Variants in GLI2 observed in about 807,000 individuals in gnomAD.
The protein encoded by GLI2 is GLI family zinc finger 2.
A neutral mutation model predicts 78.9 loss-of-function variants in GLI2; 22 were observed. That is an observed-to-expected ratio of 0.28 (90% CI 0.20 to 0.40). The LOEUF (loss-of-function observed/expected upper bound fraction) is 0.40. Among genes scored for constraint, GLI2 ranks in the 10% least tolerant of loss-of-function variants. The probability of loss-of-function intolerance (pLI) is 1.00; values close to 1 mark genes in which losing one functional copy is unlikely to be tolerated. For missense variants in GLI2, 2,097 were observed against 2,213.2 expected (o/e 0.95, Z 1.05); for synonymous variants, 974 against 963.7 (o/e 1.01, Z -0.20).
At chr2:120,835,834 T>A (rs1352847276) in intron 2 of GLI2, among the ~76,000 whole-genome samples, 1 of 152,066 alleles carries the variant, frequency 6.6e-6, no homozygotes, top group Admixed American at 6.6e-5. Context: ...ACATATATAT[T>A]TAAATATTTA....
At chr2:120,785,532 C>G (rs1229079908) in intron 1 of GLI2, among the ~76,000 whole-genome samples, 1 of 152,084 alleles carries the variant, frequency 6.6e-6, no homozygotes, top group African/African-American at 2.4e-5. Context: ...CCAGGAGATG[C>G]CAGGGCCACA....
intron 2 of GLI2, among the ~76,000 whole-genome samples, chr2:120,842,626 G>A (rs13387130): frequency 0.053 from 8,047 of 152,310 alleles, 250 homozygotes; most frequent in East Asian, 0.092. Flanking sequence ...GCATGCCGAT[G>A]TGAGAACCGA....
intron 2 of GLI2, among the ~76,000 whole-genome samples, chr2:120,861,174 A>G (rs1364945111): frequency 1.3e-5 from 2 of 152,196 alleles, no homozygotes; most frequent in African/African-American, 2.4e-5. Flanking sequence ...GAGTTTCCTG[A>G]TGTCTCTGAG....
rs149983926 is a variant in GLI2 at position 120,850,270 on chromosome 2, C to T, written c.148+52802C>T. Among the ~76,000 whole-genome samples, 357 of 151,534 alleles carry T rather than the reference C, an allele frequency of 2.4e-3. 3 individuals are homozygous for T. Among genetic ancestry groups the T allele is most frequent in the African/African-American group, 8.1e-3 (334 of 41,196 alleles). ...TTTCAAATAACCAAGAATAAAGTAACGCTTCTGAAAACTTCTAGAGAAGGG... is the reference window on the plus strand; with the variant it reads ...TTTCAAATAACCAAGAATAAAGTAATGCTTCTGAAAACTTCTAGAGAAGGG... On this transcript the variant is annotated intron_variant, in intron 2 of 13. Transcript: ENST00000361492.
intron 1 of GLI2, among the ~76,000 whole-genome samples, chr2:120,781,159 C>T (rs913058917): frequency 6.6e-6 from 1 of 152,224 alleles, no homozygotes; most frequent in Admixed American, 6.5e-5. Flanking sequence ...AGGAGCCATG[C>T]CCCTGGCCTG....
chr2:120,746,409 C>T (rs754981621), intron 1 of GLI2, among the ~76,000 whole-genome samples: 1 of 152,210 alleles, frequency 6.6e-6, no homozygotes, highest in Non-Finnish European at 1.5e-5. Context: ...GCCCAGCCAC[C>T]TGCCCAGCCA....
intron 1 of GLI2, among the ~76,000 whole-genome samples, chr2:120,768,277 C>A (rs1187555627): frequency 6.6e-6 from 1 of 152,100 alleles, no homozygotes; most frequent in East Asian, 1.9e-4. Flanking sequence ...GCGGACTTAT[C>A]CCCGTCTCAG....
rs753561308 is a variant in GLI2 at position 120,990,074 on chromosome 2, G to A, written c.4109G>A (p.Arg1370His). 2.7e-5 allele frequency: 43 copies of A among 1,599,426 alleles called. No individual in the cohort carries two copies. The highest frequency in any genetic ancestry group is 4.5e-5 in the East Asian group (2 of 44,614). The change falls in exon 14 of 14, where the codon CGT becomes CAT. Residue 1370 changes from arginine to histidine, a missense_variant. Physicochemically the swap from Arg to His is conservative, Grantham distance 29 (BLOSUM62 0). Around this residue, in one of 5 missense-constraint regions of GLI2, gnomAD observed 1,290 missense variants for 1,261.7 expected, o/e 1.02. Transcript: ENST00000361492. ...CCCACTGGCCGCCACCGTGGGGTAC[G>A]TGCTGTGCAGCAGCAGCTGGCCTAC... ...PSPTGRHRGV[R>H]AVQQQLAYAR...
intron 4 of GLI2, 115 bp downstream of exon 4, chr2:120,951,560 C>CA: frequency 1.5e-6 from 1 of 677,240 alleles, no homozygotes; most frequent in Non-Finnish European, 2.5e-6. Context: ...GAATGGTGAC[C>CA]AGGCTGGCTG....
At chr2:120,766,454 G>T (rs1374912402) in intron 1 of GLI2, among the ~76,000 whole-genome samples, 1 of 152,222 alleles carries the variant, frequency 6.6e-6, no homozygotes, top group Non-Finnish European at 1.5e-5. Context: ...GGAAGCCCTT[G>T]AGTAGAAGAG....
At chr2:120,868,176 A>G (rs1290368623) in intron 2 of GLI2, among the ~76,000 whole-genome samples, 3 of 152,224 alleles carry the variant, frequency 2.0e-5, no homozygotes, top group South Asian at 2.1e-4. Flanking sequence ...TTGAGCTGCA[A>G]GGAGGACTCC....
chr2:120,863,916 C>T (rs1453254630), intron 2 of GLI2, among the ~76,000 whole-genome samples: 4 of 152,080 alleles, frequency 2.6e-5, no homozygotes, highest in Admixed American at 2.0e-4. Flanking sequence ...GAGAGGGTGG[C>T]GTCTGCTGTG....
chr2:120,753,858 GT>G (rs1682957028), intron 1 of GLI2, among the ~76,000 whole-genome samples: 1 of 150,740 alleles, frequency 6.6e-6, no homozygotes, highest in Non-Finnish European at 1.5e-5. Context: ...GGCTCACGCG[GT>G]GAGCCGAGAT....
At chr2:120,944,473 T>A (rs987581008) in intron 3 of GLI2, among the ~76,000 whole-genome samples, 8 of 152,364 alleles carry the variant, frequency 5.3e-5, no homozygotes, top group African/African-American at 1.9e-4. Flanking sequence ...GACCTAGATC[T>A]GTGACTTCAG....
At chr2:120,804,179 C>T (rs1684832692) in intron 2 of GLI2, among the ~76,000 whole-genome samples, 1 of 152,168 alleles carries the variant, frequency 6.6e-6, no homozygotes, top group Admixed American at 6.5e-5. Flanking sequence ...ATTGTGTTGG[C>T]CAGAGCTAGA....
chr2:120,777,102 G>C (rs1358949285), intron 1 of GLI2, among the ~76,000 whole-genome samples: 1 of 152,210 alleles, frequency 6.6e-6, no homozygotes, highest in Admixed American at 6.5e-5. Flanking sequence ...CTGATTGCGT[G>C]AGTGTGTGTA....
At chr2:120,827,624 T>G (rs1288053589) in intron 2 of GLI2, among the ~76,000 whole-genome samples, 3 of 152,084 alleles carry the variant, frequency 2.0e-5, no homozygotes, top group Non-Finnish European at 4.4e-5. Context: ...AGCCAAAAAG[T>G]GGAAGCTACC....
At chr2:120,960,436 G>A (rs1160966888) in intron 5 of GLI2, among the ~76,000 whole-genome samples, 5 of 152,196 alleles carry the variant, frequency 3.3e-5, no homozygotes, top group Non-Finnish European at 2.9e-5. Flanking sequence ...GCAGGGCCTT[G>A]TCCCCAGTAC....
chr2:120,984,654 G>T lies in GLI2; in HGVS notation c.1816G>T (p.Gly606Cys). 6.2e-7 allele frequency: 1 copy of T among 1,614,036 alleles called. No individual in the cohort carries two copies. Among genetic ancestry groups the T allele is most frequent in the East Asian group, 2.2e-5 (1 of 44,882 alleles). The change falls in exon 12 of 14, where the codon GGC becomes TGC. Residue 606 changes from glycine (G) to cysteine (C), a missense_variant. Transcript: ENST00000361492. Reference protein sequence around the residue: ...NGDSEAGTEPGGPESTEASST... With the variant: ...NGDSEAGTEPCGPESTEASST... ...GGACAGTGAGGCCGGCACGGAGCCTGGCGGCCCAGAGAGCACCGAGGCCAG... is the reference window on the plus strand; with the variant it reads ...GGACAGTGAGGCCGGCACGGAGCCTTGCGGCCCAGAGAGCACCGAGGCCAG...
Sources: allele counts gnomAD v4.1 joint callset (sites outside exome capture counted in the v4.1 genomes callset), GRCh38; gene constraint gnomAD v4.1.1; regional missense constraint gnomAD v4.1.1; transcripts MANE v1.5; gene names NCBI Gene and HGNC (gene_info 2026-07-23, HGNC 2026-07-21).